Variants in PRKN observed in about 807,000 individuals in gnomAD.
The protein encoded by PRKN is parkin RBR E3 ubiquitin protein ligase.
Under a neutral mutation model 59.5 loss-of-function variants are expected in PRKN, and 56 were observed. The ratio of observed to expected loss-of-function variants is 0.94; its 90% CI spans 0.76 to 1.18. The LOEUF (loss-of-function observed/expected upper bound fraction) is 1.18. PRKN is among the 50% of genes most tolerant of loss of function. The pLI, the probability that PRKN is intolerant of heterozygous loss-of-function variation, is 0.00. For missense variants in PRKN, 657 were observed against 596.4 expected (o/e 1.10, Z -1.06); for synonymous variants, 250 against 222.1 (o/e 1.13, Z -1.12).
chr6:162,060,436 C>G (rs1448411735), intron 4 of PRKN, among the ~76,000 whole-genome samples: 2 of 152,146 alleles, frequency 1.3e-5, no homozygotes, highest in African/African-American at 2.4e-5. Flanking sequence ...TACCTAAACA[C>G]GTCTATATGA....
intron 1 of PRKN, among the ~76,000 whole-genome samples, chr6:162,458,685 T>C (rs1791023585): frequency 6.6e-6 from 1 of 151,230 alleles, no homozygotes; most frequent in African/African-American, 2.4e-5. Context: ...TAACTTTATC[T>C]CTTTTTTTTA....
At chr6:162,408,063 ATT>A (rs957642193) in intron 2 of PRKN, among the ~76,000 whole-genome samples, 6 of 152,084 alleles carry the variant, frequency 3.9e-5, no homozygotes, top group African/African-American at 1.4e-4. Flanking sequence ...TTATTTCAGC[ATT>A]TCTTTTTCAT....
At chr6:162,431,918 A>C (rs955374057) in intron 2 of PRKN, among the ~76,000 whole-genome samples, 2 of 152,212 alleles carry the variant, frequency 1.3e-5, no homozygotes, top group African/African-American at 4.8e-5. Flanking sequence ...TTCAAAAAGT[A>C]ATACCCCTTG....
At chr6:162,536,755 T>G (rs1778738778) in intron 1 of PRKN, among the ~76,000 whole-genome samples, 1 of 152,174 alleles carries the variant, frequency 6.6e-6, no homozygotes, top group East Asian at 1.9e-4. Flanking sequence ...GAGTTTACTT[T>G]TAAAGAACTG....
intron 4 of PRKN, among the ~76,000 whole-genome samples, chr6:162,116,764 C>T (rs1322629616): frequency 6.6e-6 from 1 of 152,122 alleles, no homozygotes. Flanking sequence ...CAGAGATATG[C>T]ACAGGCGTGA....
intron 1 of PRKN, among the ~76,000 whole-genome samples, chr6:162,629,242 A>G (rs1265982486): frequency 6.6e-6 from 1 of 152,116 alleles, no homozygotes; most frequent in Non-Finnish European, 1.5e-5. Context: ...CTAAGTTTCA[A>G]TGCTGAGTTA....
At chr6:161,422,717 A>G (rs1788157571) in intron 9 of PRKN, among the ~76,000 whole-genome samples, 1 of 152,170 alleles carries the variant, frequency 6.6e-6, no homozygotes, top group Non-Finnish European at 1.5e-5. Flanking sequence ...AGGAAGAAGG[A>G]AGGAAGAAAG....
At chr6:162,279,397 AAGAC>A (rs1374473491) in intron 2 of PRKN, among the ~76,000 whole-genome samples, 2 of 151,020 alleles carry the variant, frequency 1.3e-5, no homozygotes, top group Non-Finnish European at 3.0e-5. Flanking sequence ...GAAAGAAAGA[AAGAC>A]AGAAAAAGAA....
intron 2 of PRKN, among the ~76,000 whole-genome samples, chr6:162,339,659 T>G (rs1292752885): frequency 2.0e-5 from 3 of 151,394 alleles, no homozygotes; most frequent in Middle Eastern, 3.2e-3. Flanking sequence ...TCATTGAGAA[T>G]GGGCCATGAT....
At chr6:162,200,145 A>C (rs898629202) in intron 4 of PRKN, among the ~76,000 whole-genome samples, 3 of 152,104 alleles carry the variant, frequency 2.0e-5, no homozygotes. Flanking sequence ...GTATTTACCC[A>C]CACTTGCACA....
At chr6:162,040,874 G>A (rs1784044656) in intron 5 of PRKN, among the ~76,000 whole-genome samples, 1 of 151,914 alleles carries the variant, frequency 6.6e-6, no homozygotes, top group African/African-American at 2.4e-5. Flanking sequence ...GAATCAGACA[G>A]GGACAGAGTG....
At chr6:162,423,426 T>G (rs1789077078) in intron 2 of PRKN, among the ~76,000 whole-genome samples, 1 of 152,188 alleles carries the variant, frequency 6.6e-6, no homozygotes, top group African/African-American at 2.4e-5. Context: ...TCCTCTTTCA[T>G]TTTTTATTTC....
intron 2 of PRKN, among the ~76,000 whole-genome samples, chr6:162,311,481 CTT>C (rs397886856): frequency 2.7e-4 from 35 of 128,498 alleles, no homozygotes; most frequent in Middle Eastern, 4.2e-3. Context: ...AATTTTTTTC[CTT>C]TTTTTTTTTT....
At chr6:162,375,689 A>C (rs1490646647) in intron 2 of PRKN, among the ~76,000 whole-genome samples, 1 of 151,792 alleles carries the variant, frequency 6.6e-6, no homozygotes. Context: ...AATGGTTTTG[A>C]AAATTCCTTA....
intron 6 of PRKN, among the ~76,000 whole-genome samples, chr6:161,832,822 T>C (rs1452781586): frequency 6.6e-6 from 1 of 151,848 alleles, no homozygotes; most frequent in East Asian, 1.9e-4. Context: ...GCCTGTGCCC[T>C]GCAGGGTCTC....
At chr6:161,886,758 AAAT>A (rs1795170562) in intron 6 of PRKN, among the ~76,000 whole-genome samples, 1 of 149,056 alleles carries the variant, frequency 6.7e-6, no homozygotes, top group Non-Finnish European at 1.5e-5. Context: ...AAATAAAAAA[AAAT>A]AAAATAAAAT....
intron 6 of PRKN, among the ~76,000 whole-genome samples, chr6:161,934,873 T>C (rs1011529019): frequency 1.3e-5 from 2 of 152,146 alleles, no homozygotes. Flanking sequence ...TTTTTCTCCC[T>C]AAAACTAACT....
chr6:161,479,099 C>T (rs1460785771), intron 9 of PRKN, among the ~76,000 whole-genome samples: 1 of 152,178 alleles, frequency 6.6e-6, no homozygotes, highest in Non-Finnish European at 1.5e-5. Context: ...CGCTAAGTGG[C>T]TGCCTCTAGA....
intron 7 of PRKN, among the ~76,000 whole-genome samples, chr6:161,633,436 G>T (rs1033412412): frequency 6.6e-6 from 1 of 152,142 alleles, no homozygotes; most frequent in Non-Finnish European, 1.5e-5. Context: ...TAAAAGTCAG[G>T]AGCATTCAGT....
Sources: gnomAD v4.1 joint callset for allele counts (sites outside exome capture counted in the v4.1 genomes callset) on GRCh38, gnomAD v4.1.1 for gene constraint, MANE v1.5 for transcripts, NCBI Gene and HGNC (gene_info 2026-07-23, HGNC 2026-07-21) for gene names.